The following CDH12 variants were observed in gnomAD, a reference collection of about 807,000 sequenced individuals.
CDH12 encodes cadherin 12, also known as cadherin-12.
A neutral mutation model predicts 74.1 loss-of-function variants in CDH12; 41 were observed. The observed-to-expected ratio is 0.55, with a 90% confidence interval of 0.43 to 0.72. The LOEUF (loss-of-function observed/expected upper bound fraction) is 0.72. Ranked by LOEUF, CDH12 falls within the 30% of genes least tolerant of loss-of-function variation. The probability of loss-of-function intolerance (pLI) is 0.00; values close to 1 mark genes in which losing one functional copy is unlikely to be tolerated. For missense variants in CDH12, 945 were observed against 977.2 expected (o/e 0.97, Z 0.44); for synonymous variants, 399 against 355.0 (o/e 1.12, Z -1.39).
chr5:22,732,471 T>TATAC lies in CDH12; in HGVS notation c.-523+120586_-523+120587insGTAT, dbSNP rs1193680928. Among the ~76,000 whole-genome samples, 199 of 72,688 alleles carry TATAC rather than the reference T, an allele frequency of 2.7e-3. 1 individual carries two copies. Among genetic ancestry groups the TATAC allele is most frequent in the African/African-American group, 9.4e-3 (187 of 19,958 alleles). 47.7% of individuals were successfully genotyped at this position (72,688 alleles called of 152,430 possible). A position where few individuals can be genotyped will look rare whatever the true frequency, so the allele number is the denominator to read the frequency against. On this transcript the variant is annotated intron_variant, in intron 1 of 14. Coordinates refer to ENST00000382254, the MANE Select transcript of CDH12 (RefSeq NM_004061.5). The stretch of plus-strand genomic sequence containing the variant: ...GAATGTGTGTGTATATATATATATA[T>TATAC]ACACACACACACACACACACACACA...
chr5:21,923,151 T>C (rs549537648), intron 6 of CDH12, among the ~76,000 whole-genome samples: 43 of 152,222 alleles, frequency 2.8e-4, no homozygotes, highest in African/African-American at 9.9e-4. Context: ...TATACTATAA[T>C]GGTGGTGAAT....
chr5:22,776,520 G>C (rs988621017), intron 1 of CDH12, among the ~76,000 whole-genome samples: 4 of 152,106 alleles, frequency 2.6e-5, no homozygotes, highest in African/African-American at 4.8e-5. Flanking sequence ...CGTACACAGA[G>C]CTCTATAGGC....
At chr5:22,187,453 C>T (rs1750021804) in intron 4 of CDH12, among the ~76,000 whole-genome samples, 1 of 151,814 alleles carries the variant, frequency 6.6e-6, no homozygotes, top group Admixed American at 6.6e-5. Flanking sequence ...TATTTCTTGG[C>T]ATCACCATAA....
chr5:22,487,510 G>A (rs777277723), intron 2 of CDH12, among the ~76,000 whole-genome samples: 1 of 151,914 alleles, frequency 6.6e-6, no homozygotes, highest in Non-Finnish European at 1.5e-5. Context: ...TGAAACTTGA[G>A]GGCACAAAAA....
intron 5 of CDH12, among the ~76,000 whole-genome samples, chr5:22,066,926 C>A (rs1371588410): frequency 6.6e-6 from 1 of 152,138 alleles, no homozygotes; most frequent in East Asian, 1.9e-4. Context: ...GGCTTCATTG[C>A]TTGAGAGAAT....
chr5:22,074,379 A>T (rs1243351068), intron 5 of CDH12, among the ~76,000 whole-genome samples: 10 of 152,070 alleles, frequency 6.6e-5, no homozygotes, highest in Non-Finnish European at 1.2e-4. Context: ...AACCTAGGTA[A>T]TACAATTCAG....
At chr5:21,942,345 T>C (rs1173234962) in intron 6 of CDH12, among the ~76,000 whole-genome samples, 2 of 99,080 alleles carry the variant, frequency 2.0e-5, no homozygotes, top group African/African-American at 3.9e-5. Flanking sequence ...TATATATATA[T>C]ATACACACAC....
In CDH12 at chr5:21,992,903, C is replaced by T. The variant is rs561286064; in HGVS notation, c.232-17518G>A. ...AGTTTAATTGATTCACAATACTGCA[C>T]GGCTGGGGAGGCCTCAGAAAACTTA... On this transcript the variant is annotated intron_variant, in intron 5 of 14. Coordinates refer to ENST00000382254, the MANE Select transcript of CDH12 (RefSeq NM_004061.5). Among the ~76,000 whole-genome samples, 49 of 152,280 alleles carry T rather than the reference C, an allele frequency of 3.2e-4. 1 individual carries two copies. The South Asian group carries it at 5.6e-3, about 17-fold the overall frequency.
intron 3 of CDH12, among the ~76,000 whole-genome samples, chr5:22,264,394 T>G (rs994097563): frequency 2.8e-4 from 42 of 152,192 alleles, no homozygotes; most frequent in Non-Finnish European, 4.1e-4. Context: ...TGTTCTCACT[T>G]TTTTCCTAAT....
chr5:22,231,475 A>C (rs1350117394), intron 3 of CDH12, among the ~76,000 whole-genome samples: 2 of 152,062 alleles, frequency 1.3e-5, no homozygotes, highest in Non-Finnish European at 2.9e-5. Context: ...ATTAAATGAA[A>C]AAGATATATG....
At chr5:21,935,052 G>C (rs773585663) in intron 6 of CDH12, among the ~76,000 whole-genome samples, 10 of 151,960 alleles carry the variant, frequency 6.6e-5, no homozygotes, top group South Asian at 4.1e-4. Flanking sequence ...TCCCAAAGTG[G>C]TGGGATTACA....
intron 4 of CDH12, among the ~76,000 whole-genome samples, chr5:22,080,245 T>C (rs1395990795): frequency 6.6e-6 from 1 of 152,196 alleles, no homozygotes; most frequent in Non-Finnish European, 1.5e-5. Flanking sequence ...CAGAACAATG[T>C]GTATTCACTT....
At chr5:21,902,166 T>C (rs1753419867) in intron 6 of CDH12, among the ~76,000 whole-genome samples, 1 of 151,894 alleles carries the variant, frequency 6.6e-6, no homozygotes, top group African/African-American at 2.4e-5. Context: ...TGCCTCTTGA[T>C]TATGAAGGGA....
intron 1 of CDH12, among the ~76,000 whole-genome samples, chr5:22,663,662 T>A (rs1740459259): frequency 6.6e-6 from 1 of 152,178 alleles, no homozygotes; most frequent in Admixed American, 6.5e-5. Context: ...CTTGGCTGAT[T>A]TAAAATATTC....
At chr5:22,429,200 T>G (rs1744068245) in intron 2 of CDH12, among the ~76,000 whole-genome samples, 1 of 152,018 alleles carries the variant, frequency 6.6e-6, no homozygotes. Flanking sequence ...GGTGCGATCA[T>G]GACTCATGCA....
intron 6 of CDH12, among the ~76,000 whole-genome samples, chr5:21,923,395 G>A (rs145007000): frequency 2.2e-3 from 335 of 152,168 alleles, no homozygotes; most frequent in Non-Finnish European, 3.5e-3. Flanking sequence ...CCTTGTAAAT[G>A]TTAGTTTTTA....
At chr5:22,529,959 T>C (rs1216178053) in intron 1 of CDH12, among the ~76,000 whole-genome samples, 4 of 152,162 alleles carry the variant, frequency 2.6e-5, no homozygotes. Flanking sequence ...CTGAGTACAC[T>C]GAGATACCTC....
intron 1 of CDH12, among the ~76,000 whole-genome samples, chr5:22,641,897 T>G (rs545553522): frequency 3.3e-5 from 5 of 152,182 alleles, no homozygotes; most frequent in Admixed American, 3.3e-4. Flanking sequence ...TGCATGTTTT[T>G]GGTGAGTGAA....
intron 5 of CDH12, among the ~76,000 whole-genome samples, chr5:21,988,471 G>A (rs1280969596): frequency 3.4e-5 from 4 of 116,062 alleles, no homozygotes; most frequent in African/African-American, 9.7e-5. Context: ...CAGCCTGGGC[G>A]ACAGAGCGAG....
Sources: gnomAD v4.1 joint callset for allele counts (sites outside exome capture counted in the v4.1 genomes callset) on GRCh38, gnomAD v4.1.1 for gene constraint, MANE v1.5 for transcripts, NCBI Gene and HGNC (gene_info 2026-07-23, HGNC 2026-07-21) for gene names.